Variants in MARK1 observed in about 807,000 individuals in gnomAD.
The protein encoded by MARK1 is serine/threonine-protein kinase MARK1.
In MARK1, 40 loss-of-function variants were observed where a neutral mutation model predicts 96.3. The observed-to-expected ratio is 0.42, with a 90% CI of 0.32 to 0.54. The LOEUF (loss-of-function observed/expected upper bound fraction) is 0.54, where lower values mean the gene tolerates loss of function less well. Among genes scored for constraint, MARK1 ranks in the 20% least tolerant of loss-of-function variants. The pLI is 0.16. For missense variants in MARK1, 719 were observed against 984.6 expected (o/e 0.73, Z 3.61); for synonymous variants, 317 against 341.2 (o/e 0.93, Z 0.78).
intron 3 of MARK1, among the ~76,000 whole-genome samples, chr1:220,591,585 G>A (rs1417434316): frequency 6.6e-6 from 1 of 152,124 alleles, no homozygotes; most frequent in Non-Finnish European, 1.5e-5. Context: ...GAGAGTACAA[G>A]TAAAAGCCCT....
At chr1:220,530,125 T>C (rs146195895) in intron 1 of MARK1, among the ~76,000 whole-genome samples, 1 of 152,320 alleles carries the variant, frequency 6.6e-6, no homozygotes, top group African/African-American at 2.4e-5. Flanking sequence ...AGAAATTTAA[T>C]ATAACTATAC....
At chr1:220,596,011 C>G (rs1285039459) in intron 3 of MARK1, among the ~76,000 whole-genome samples, 1 of 152,046 alleles carries the variant, frequency 6.6e-6, no homozygotes, top group African/African-American at 2.4e-5. Flanking sequence ...TGTGAGAAAT[C>G]AAGTATTGGG....
chr1:220,556,497 A>AC (rs1444033711), intron 1 of MARK1, among the ~76,000 whole-genome samples: 9 of 148,278 alleles, frequency 6.1e-5, no homozygotes, highest in East Asian at 2.0e-4. Context: ...AAAAAAAAAA[A>AC]AAAAAAAAAC....
Position 220,662,711 on chromosome 1 carries a change from A to G in MARK1, c.*545A>G, listed in dbSNP as rs1330175689. 1.3e-5 allele frequency: 2 copies of G among 153,188 alleles called. No homozygotes were observed. The highest frequency in any genetic ancestry group is 2.9e-5 in the Non-Finnish European group (2 of 68,412). 9.5% of individuals were successfully genotyped at this position (153,188 alleles called of 1,614,324 possible). ...AAATAGATCAGCTTTATTATACACA[A>G]AATTATTACTGCTTATCTTTGCTCT... On this transcript the variant is annotated 3_prime_UTR_variant, in exon 18 of 18. Coordinates refer to ENST00000366917, the MANE Select transcript of MARK1 (RefSeq NM_018650.5).
chr1:220,586,011 A>ACACACG (rs112968910), intron 3 of MARK1, among the ~76,000 whole-genome samples: 10 of 148,536 alleles, frequency 6.7e-5, no homozygotes, highest in Admixed American at 3.3e-4. Flanking sequence ...ACACACACAC[A>ACACACG]CGCGCGCGTG....
chr1:220,657,712 A>G, intron 16 of MARK1, 78 bp from the exon 17 acceptor site: 3 of 1,065,938 alleles, frequency 2.8e-6, no homozygotes, highest in Non-Finnish European at 4.0e-6. Context: ...AGCTAATTTT[A>G]AAATAATTTT....
intron 16 of MARK1, among the ~76,000 whole-genome samples, chr1:220,656,672 A>G (rs951242694): frequency 2.6e-5 from 4 of 152,236 alleles, no homozygotes; most frequent in Non-Finnish European, 5.9e-5. Flanking sequence ...TATAGATGGC[A>G]TTGAATTTTT....
chr1:220,568,020 A>G (rs1663183009), intron 1 of MARK1, among the ~76,000 whole-genome samples: 1 of 152,146 alleles, frequency 6.6e-6, no homozygotes, highest in Non-Finnish European at 1.5e-5. Context: ...ATGGTATAAA[A>G]AGTCTTTTTC....
At chr1:220,588,508 T>C (rs1465608282) in intron 3 of MARK1, among the ~76,000 whole-genome samples, 1 of 152,196 alleles carries the variant, frequency 6.6e-6, no homozygotes, top group African/African-American at 2.4e-5. Context: ...AATCATCTAA[T>C]ATATATTCAT....
intron 13 of MARK1, among the ~76,000 whole-genome samples, chr1:220,641,791 G>A (rs1572220505): frequency 6.6e-6 from 1 of 151,942 alleles, no homozygotes; most frequent in Non-Finnish European, 1.5e-5. Flanking sequence ...AGGGGTGGGG[G>A]TGGGCGGTTC....
At chr1:220,579,939 A>G (rs975883812) in intron 2 of MARK1, among the ~76,000 whole-genome samples, 1 of 152,132 alleles carries the variant, frequency 6.6e-6, no homozygotes, top group Non-Finnish European at 1.5e-5. Flanking sequence ...GCTAATTTGT[A>G]TCTGTTTAGA....
At chr1:220,551,331 C>G (rs1396702983) in intron 1 of MARK1, among the ~76,000 whole-genome samples, 3 of 152,180 alleles carry the variant, frequency 2.0e-5, no homozygotes, top group African/African-American at 7.2e-5. Flanking sequence ...CCTTCTTAAT[C>G]TTGTGCAAAT....
At chr1:220,637,472 G>A (rs896427190) in intron 13 of MARK1, among the ~76,000 whole-genome samples, 6 of 152,246 alleles carry the variant, frequency 3.9e-5, no homozygotes, top group Non-Finnish European at 7.4e-5. Flanking sequence ...TTGAGGTCAG[G>A]GGTTTGAGAC....
intron 16 of MARK1, among the ~76,000 whole-genome samples, chr1:220,656,030 A>G (rs188629257): frequency 2.0e-5 from 3 of 152,274 alleles, no homozygotes; most frequent in East Asian, 1.9e-4. Context: ...TTCTACACCA[A>G]ACCTTATGAT....
At chr1:220,535,561 T>C (rs990777439) in intron 1 of MARK1, among the ~76,000 whole-genome samples, 21 of 152,162 alleles carry the variant, frequency 1.4e-4, no homozygotes, top group African/African-American at 5.1e-4. Flanking sequence ...GCTGTGCTTT[T>C]GATATCATAT....
intron 1 of MARK1, among the ~76,000 whole-genome samples, chr1:220,573,785 A>G (rs571357739): frequency 1.7e-3 from 261 of 151,012 alleles, no homozygotes; most frequent in Non-Finnish European, 3.1e-3. Context: ...AGTATATTGT[A>G]TATTGTAGTA....
intron 17 of MARK1, among the ~76,000 whole-genome samples, chr1:220,661,126 G>T (rs1029710216): frequency 3.9e-5 from 6 of 152,204 alleles, no homozygotes; most frequent in African/African-American, 1.4e-4. Context: ...TAACCCGTGT[G>T]TTCAAGGAGC....
At chr1:220,599,512 A>G (rs1333683494) in intron 4 of MARK1, among the ~76,000 whole-genome samples, 2 of 152,068 alleles carry the variant, frequency 1.3e-5, no homozygotes, top group African/African-American at 4.8e-5. Flanking sequence ...TTCTGATTTT[A>G]AGAGTTCCTT....
intron 9 of MARK1, chr1:220,626,242 G>T (rs147785994): frequency 9.2e-5 from 49 of 531,148 alleles, no homozygotes; most frequent in African/African-American, 8.2e-4. Context: ...TCACCAGAGG[G>T]TGCTGTATAT....
Sources: gnomAD v4.1 joint callset for allele counts (sites outside exome capture counted in the v4.1 genomes callset) on GRCh38, gnomAD v4.1.1 for gene constraint, MANE v1.5 for transcripts, NCBI Gene and HGNC (gene_info 2026-07-23, HGNC 2026-07-21) for gene names.